The following AUTS2 variants were observed in gnomAD, a reference collection of about 807,000 sequenced individuals.
AUTS2 encodes the protein activator of transcription and developmental regulator AUTS2.
AUTS2 carries 17 observed loss-of-function variants against 112.4 expected under a neutral mutation model. The ratio of observed to expected loss-of-function variants is 0.15; its 90% CI spans 0.10 to 0.23. AUTS2 has a LOEUF of 0.23. Among genes scored for constraint, AUTS2 ranks in the 10% least tolerant of loss-of-function variants. The pLI is 1.00. For missense variants in AUTS2, 1,510 were observed against 1,701.6 expected, an observed-to-expected ratio of 0.89 and a Z score of 1.98; for synonymous variants, 751 against 702.7, an observed-to-expected ratio of 1.07 and a Z score of -1.09.
chr7:69,985,880 C>T (rs1285124774), intron 2 of AUTS2, among the ~76,000 whole-genome samples: 6 of 152,064 alleles, frequency 3.9e-5, no homozygotes, highest in Admixed American at 1.3e-4. Context: ...CTCGGCTTCC[C>T]GAGTAGCTAA....
chr7:69,621,306 A>G (rs1462785753), intron 1 of AUTS2, among the ~76,000 whole-genome samples: 1 of 152,052 alleles, frequency 6.6e-6, no homozygotes, highest in Non-Finnish European at 1.5e-5. Flanking sequence ...GAACTAAATA[A>G]ATGCTTCTTA....
chr7:70,490,747 AT>A (rs1279009810), intron 5 of AUTS2, among the ~76,000 whole-genome samples: 1 of 152,110 alleles, frequency 6.6e-6, no homozygotes. Context: ...AGGGGACTTT[AT>A]TTCTCCCTGC....
intron 2 of AUTS2, among the ~76,000 whole-genome samples, chr7:70,021,170 C>T (rs140727308): frequency 0.083 from 12,588 of 151,834 alleles, 620 homozygotes; most frequent in East Asian, 0.12. Flanking sequence ...TTAGTAGAGA[C>T]GGGGTTTCTG....
chr7:69,697,376 G>A (rs1797603260), intron 1 of AUTS2, among the ~76,000 whole-genome samples: 1 of 152,198 alleles, frequency 6.6e-6, no homozygotes, highest in South Asian at 2.1e-4. Context: ...CATGCACTGA[G>A]CTAGGTGCAC....
intron 17 of AUTS2, 82 bp from the exon 18 acceptor site, chr7:70,787,127 A>G (rs772980349): frequency 5.2e-5 from 70 of 1,344,894 alleles, no homozygotes; most frequent in Non-Finnish European, 6.8e-5. Flanking sequence ...AATGCTGTTA[A>G]AAGTTTTTTG....
intron 1 of AUTS2, among the ~76,000 whole-genome samples, chr7:69,840,552 G>A (rs1009702710): frequency 6.6e-6 from 1 of 152,152 alleles, no homozygotes; most frequent in Non-Finnish European, 1.5e-5. Flanking sequence ...GGCTTCACAG[G>A]TCGAAGAGGC....
At position 70,296,558 on chromosome 7, in the gene AUTS2, G is replaced by A. The variant is rs533795729; in HGVS notation, c.661-139194G>A. ...TATATAATCAGCATCTTCCCACATC[G>A]TGAGATGTGAATTTTTTGAAAACAT... On this transcript the variant is annotated intron_variant, in intron 4 of 18. Coordinates refer to ENST00000342771, the MANE Select transcript of AUTS2 (RefSeq NM_015570.4). Among the ~76,000 whole-genome samples the A allele has an allele frequency of 6.6e-5, 10 of 152,136 alleles. No homozygotes were observed. In the South Asian group the frequency reaches 8.3e-4, roughly 13 times the overall value.
chr7:70,227,034 C>T lies in AUTS2; in HGVS notation c.660+92463C>T, dbSNP rs144289192. Among the ~76,000 whole-genome samples the T allele has an allele frequency of 6.5e-4, 99 of 152,146 alleles. 1 individual carries two copies. Among genetic ancestry groups the T allele is most frequent in the Admixed American group, 1.7e-3 (26 of 15,282 alleles). On this transcript the variant is annotated intron_variant, in intron 4 of 18. Coordinates refer to ENST00000342771, the MANE Select transcript of AUTS2 (RefSeq NM_015570.4). ...GGGATTTTTTATTACCATTAAGACA[C>T]GTAAAAACAGTTTGTATAAAATCCC...
At chr7:70,750,331 T>G (rs1788724224) in intron 6 of AUTS2, among the ~76,000 whole-genome samples, 1 of 66,164 alleles carries the variant, frequency 1.5e-5, no homozygotes, top group Admixed American at 1.6e-4. Context: ...ATGGAAAGTC[T>G]TTTTTTTTTT....
At chr7:70,307,698 C>T (rs910181359) in intron 4 of AUTS2, among the ~76,000 whole-genome samples, 2 of 152,160 alleles carry the variant, frequency 1.3e-5, no homozygotes, top group African/African-American at 4.8e-5. Flanking sequence ...GCCTAGATCC[C>T]TCTACCAGCA....
intron 1 of AUTS2, among the ~76,000 whole-genome samples, chr7:69,667,870 C>T (rs1796141083): frequency 1.3e-5 from 2 of 152,306 alleles, no homozygotes; most frequent in South Asian, 2.1e-4. Flanking sequence ...TCACTTCCAC[C>T]TCTACCTCTC....
At chr7:70,591,662 G>T (rs943155337) in intron 5 of AUTS2, among the ~76,000 whole-genome samples, 4 of 152,078 alleles carry the variant, frequency 2.6e-5, no homozygotes, top group African/African-American at 9.7e-5. Context: ...GCCTCCGAAA[G>T]TGCTGGGGTT....
At chr7:70,780,590 G>GC (rs1322308152) in intron 14 of AUTS2, among the ~76,000 whole-genome samples, 2 of 152,130 alleles carry the variant, frequency 1.3e-5, no homozygotes, top group Admixed American at 6.5e-5. Context: ...TGCCCAGGCT[G>GC]CCCTTCAACT....
chr7:69,886,763 T>TTGTGTGTGTGTGTGTGTG (rs3220664), intron 1 of AUTS2, among the ~76,000 whole-genome samples: 1 of 129,774 alleles, frequency 7.7e-6, no homozygotes, highest in Non-Finnish European at 1.6e-5. Context: ...TTTGACTTCT[T>TTGTGTGTGTGTGTGTGTG]TGTGTGTGTG....
chr7:70,239,364 AT>A (rs1250396235), intron 4 of AUTS2, among the ~76,000 whole-genome samples: 1 of 152,088 alleles, frequency 6.6e-6, no homozygotes, highest in Non-Finnish European at 1.5e-5. Flanking sequence ...TAATTGATTA[AT>A]TTTTAACCCC....
At chr7:70,377,572 A>G (rs1186170521) in intron 4 of AUTS2, among the ~76,000 whole-genome samples, 1 of 151,110 alleles carries the variant, frequency 6.6e-6, no homozygotes, top group Non-Finnish European at 1.5e-5. Flanking sequence ...ACCACTGTTC[A>G]TCTCCGGAAC....
At chr7:69,627,579 G>A (rs1794018061) in intron 1 of AUTS2, among the ~76,000 whole-genome samples, 1 of 152,178 alleles carries the variant, frequency 6.6e-6, no homozygotes, top group South Asian at 2.1e-4. Flanking sequence ...AAAGTGGTAG[G>A]ATAATAGGTA....
At chr7:70,359,385 A>G (rs1250592926) in intron 4 of AUTS2, among the ~76,000 whole-genome samples, 11 of 152,230 alleles carry the variant, frequency 7.2e-5, no homozygotes, top group Non-Finnish European at 4.4e-5. Context: ...TCATGTTGCC[A>G]TAACAGAATA....
intron 2 of AUTS2, among the ~76,000 whole-genome samples, chr7:69,999,402 CT>C (rs1563026172): frequency 2.6e-5 from 4 of 152,088 alleles, no homozygotes; most frequent in Non-Finnish European, 4.4e-5. Context: ...AATTTTCCCC[CT>C]ACTTTTTAAA....
Sources: allele counts gnomAD v4.1 joint callset (sites outside exome capture counted in the v4.1 genomes callset), GRCh38; gene constraint gnomAD v4.1.1; transcripts MANE v1.5; gene names NCBI Gene and HGNC (gene_info 2026-07-23, HGNC 2026-07-21).